Variants in MDN1 observed in about 807,000 individuals in gnomAD.
The protein encoded by MDN1 is midasin AAA ATPase 1.
MDN1 carries 266 observed loss-of-function variants against 669.2 expected under a neutral mutation model. The ratio of observed to expected loss-of-function variants is 0.40; its 90% CI spans 0.36 to 0.44. The LOEUF (loss-of-function observed/expected upper bound fraction) is 0.44. MDN1 is among the 20% of genes least tolerant of loss of function. The probability of loss-of-function intolerance (pLI) is 1.00; values close to 1 mark genes in which losing one functional copy is unlikely to be tolerated. For missense variants in MDN1, 5,940 were observed against 6,754.0 expected, an observed-to-expected ratio of 0.88 and a Z score of 4.22; for synonymous variants, 2,385 against 2,457.1, an observed-to-expected ratio of 0.97 and a Z score of 0.87.
At chr6:89,810,204 G>A (rs1447252830) in intron 1 of MDN1, among the ~76,000 whole-genome samples, 3 of 151,906 alleles carry the variant, frequency 2.0e-5, no homozygotes, top group Admixed American at 2.0e-4. Flanking sequence ...GGGAGGCTGA[G>A]GTGGGTGGAT....
chr6:89,694,702 C>A (rs1227384803), intron 61 of MDN1, among the ~76,000 whole-genome samples: 2 of 151,876 alleles, frequency 1.3e-5, no homozygotes, highest in Non-Finnish European at 2.9e-5. Flanking sequence ...TGCCACCACA[C>A]CCAGCTTTTT....
rs533931168 is a variant in MDN1 at position 89,819,491 on chromosome 6, C to A, written c.102+15G>T. ...CCAGTCGTTCCGGCGCTTTCCCTCT[C>A]CCTTCACGTCTTACCTGCTTGGCCA... On this transcript the variant is annotated intron_variant, in intron 1 of 101. Coordinates refer to ENST00000369393, the MANE Select transcript of MDN1 (RefSeq NM_014611.3). 1.2e-6 allele frequency: 2 copies of A among 1,603,570 alleles called. No individual in the cohort carries two copies. The highest frequency in any genetic ancestry group is 1.3e-5 in the African/African-American group (1 of 75,018).
Position 89,654,234 on chromosome 6 carries a change from C to T in MDN1, c.15591G>A (p.Glu5197=), listed in dbSNP as rs1333473295. The T allele has an allele frequency of 4.3e-6, 7 of 1,614,240 alleles. No homozygotes were observed. Among genetic ancestry groups the T allele is most frequent in the Non-Finnish European group, 4.2e-6 (5 of 1,180,042 alleles). ...GCTCCACGTCTGCTGCTTTGAACTC[C>T]TCCTGCTCCTCTGTGTCCATAAGGG... ...EDTLMDTEEQ[E]EFKAADVEQL... Residue 5197 remains glutamate, a synonymous_variant, in exon 93 of 102, where the codon GAG becomes GAA. Coordinates refer to ENST00000369393, the MANE Select transcript of MDN1 (RefSeq NM_014611.3).
intron 73 of MDN1, among the ~76,000 whole-genome samples, chr6:89,681,511 C>T (rs1220912476): frequency 1.3e-5 from 2 of 152,040 alleles, no homozygotes; most frequent in Admixed American, 6.5e-5. Context: ...GAAGAGCTTT[C>T]GTCCATCAAG....
intron 94 of MDN1, 23 bp downstream of exon 94, chr6:89,652,969 C>A (rs780260616): frequency 2.4e-5 from 38 of 1,604,242 alleles, no homozygotes; most frequent in Non-Finnish European, 3.2e-5. Flanking sequence ...TATATTAATG[C>A]AGTAATTTGT....
intron 73 of MDN1, among the ~76,000 whole-genome samples, chr6:89,682,466 T>C (rs1431040667): frequency 6.6e-6 from 1 of 152,070 alleles, no homozygotes; most frequent in East Asian, 1.9e-4. Flanking sequence ...CCGAGCACTT[T>C]GGGAGGCTGA....
At chr6:89,654,061 G>T (rs1407070485) in intron 93 of MDN1, 103 bp downstream of exon 93, 28 of 1,319,980 alleles carry the variant, frequency 2.1e-5, no homozygotes, top group Non-Finnish European at 2.9e-5. Context: ...CTAAGCCATG[G>T]ATTAGGACAT....
chr6:89,706,022 T>C (rs777474026), intron 53 of MDN1, 37 bp downstream of exon 53: 3 of 1,513,944 alleles, frequency 2.0e-6, no homozygotes, highest in Non-Finnish European at 2.7e-6. Context: ...AAGATAAATT[T>C]TGTTGTTTAA....
intron 1 of MDN1, among the ~76,000 whole-genome samples, chr6:89,811,764 G>A (rs1011544588): frequency 5.9e-5 from 9 of 151,920 alleles, no homozygotes; most frequent in African/African-American, 1.9e-4. Context: ...TCTTAAACCT[G>A]TGATTACTCC....
intron 17 of MDN1, among the ~76,000 whole-genome samples, chr6:89,759,917 C>T (rs1284645743): frequency 6.6e-6 from 1 of 151,778 alleles, no homozygotes; most frequent in Non-Finnish European, 1.5e-5. Flanking sequence ...ACTAAAAATA[C>T]AAAAATTAGC....
At chr6:89,711,930 T>A in intron 49 of MDN1, 106 bp downstream of exon 49, 1 of 1,051,944 alleles carries the variant, frequency 9.5e-7, no homozygotes. Flanking sequence ...ACCTCCCAAC[T>A]GTAATTTTAA....
chr6:89,713,582 C>T (rs1011785026), intron 46 of MDN1, among the ~76,000 whole-genome samples: 1 of 152,138 alleles, frequency 6.6e-6, no homozygotes, highest in Non-Finnish European at 1.5e-5. Flanking sequence ...TAATCTAATG[C>T]TGACACACAC....
At chr6:89,813,776 C>G (rs139488568) in intron 1 of MDN1, among the ~76,000 whole-genome samples, 2 of 151,876 alleles carry the variant, frequency 1.3e-5, no homozygotes, top group Admixed American at 6.6e-5. Flanking sequence ...GCTTAAAACA[C>G]TGAAAGTTAA....
intron 38 of MDN1, among the ~76,000 whole-genome samples, chr6:89,724,488 G>T (rs765515617): frequency 6.6e-6 from 1 of 152,092 alleles, no homozygotes; most frequent in Non-Finnish European, 1.5e-5. Context: ...TCGCCATATT[G>T]GCCAGACTGG....
At chr6:89,690,175 A>T in intron 64 of MDN1, 32 bp from the exon 65 acceptor site, 1 of 1,600,454 alleles carries the variant, frequency 6.2e-7, no homozygotes, top group East Asian at 2.2e-5. Context: ...TTGAACTTTT[A>T]AAAATCAGAA....
chr6:89,761,834 C>T, intron 16 of MDN1, 86 bp from the exon 17 acceptor site: 4 of 999,838 alleles, frequency 4.0e-6, no homozygotes, highest in Non-Finnish European at 6.0e-6. Flanking sequence ...TAACAAAACA[C>T]ACAAAAATTA....
chr6:89,712,407 T>A, intron 48 of MDN1, 151 bp from the exon 49 acceptor site: 1 of 978,786 alleles, frequency 1.0e-6, no homozygotes, highest in Non-Finnish European at 1.5e-6. Flanking sequence ...AAAACATACC[T>A]AATAAATAAT....
intron 68 of MDN1, 83 bp downstream of exon 68, chr6:89,687,261 T>C (rs544763559): frequency 1.5e-4 from 202 of 1,339,770 alleles, no homozygotes; most frequent in Non-Finnish European, 1.7e-4. Flanking sequence ...TGTAATACTA[T>C]ATAAATCCTA....
chr6:89,643,072 T>C lies in MDN1; in HGVS notation c.*933A>G, dbSNP rs189318000. 8 of 152,302 alleles carry C rather than the reference T, an allele frequency of 5.3e-5. No individual in the cohort carries two copies. Among genetic ancestry groups the C allele is most frequent in the Admixed American group, 4.6e-4 (7 of 15,300 alleles). The allele number at this position is 152,302 out of a possible 1,614,324, so 9.4% of individuals were successfully genotyped here. On this transcript the variant is annotated 3_prime_UTR_variant, in exon 102 of 102. Coordinates refer to ENST00000369393, the MANE Select transcript of MDN1 (RefSeq NM_014611.3). ...TATTCAGCACTGCTTTCTGGCCAAG[T>C]AAAAACTGCCTAAAGATCAGTTTCT... is the stretch of plus-strand genomic sequence containing the variant.
Sources: gnomAD v4.1 joint callset for allele counts (sites outside exome capture counted in the v4.1 genomes callset) on GRCh38, gnomAD v4.1.1 for gene constraint, MANE v1.5 for transcripts, NCBI Gene and HGNC (gene_info 2026-07-23, HGNC 2026-07-21) for gene names.